The following SLC39A11 variants were observed in gnomAD, a reference collection of about 807,000 sequenced individuals.
SLC39A11 encodes zinc transporter ZIP11.
SLC39A11 carries 33 observed loss-of-function variants against 36.1 expected under a neutral mutation model. The observed-to-expected ratio is 0.91, with a 90% CI of 0.69 to 1.22. SLC39A11 has a LOEUF of 1.22. SLC39A11 is among the 50% of genes most tolerant of loss of function. The pLI is 0.00. For missense variants in SLC39A11, 432 were observed against 430.3 expected, an observed-to-expected ratio of 1.00 and a Z score of -0.03; for synonymous variants, 166 against 170.3, an observed-to-expected ratio of 0.97 and a Z score of 0.20.
intron 5 of SLC39A11, among the ~76,000 whole-genome samples, chr17:72,864,610 C>T (rs1217799480): frequency 6.6e-6 from 1 of 152,166 alleles, no homozygotes; most frequent in Non-Finnish European, 1.5e-5. Context: ...CACTATTTCT[C>T]CATTCTGCAA....
intron 4 of SLC39A11, among the ~76,000 whole-genome samples, chr17:72,952,346 T>C (rs1179878270): frequency 1.3e-5 from 2 of 152,166 alleles, no homozygotes; most frequent in Non-Finnish European, 2.9e-5. Flanking sequence ...AGAAACAGCA[T>C]GGAGGGAGAG....
chr17:72,820,536 G>A (rs1272678095), intron 6 of SLC39A11, among the ~76,000 whole-genome samples: 2 of 151,032 alleles, frequency 1.3e-5, no homozygotes, highest in East Asian at 1.9e-4. Context: ...CTATTACATG[G>A]CACATCCTAC....
rs541806225 is a variant in SLC39A11 at position 72,957,972 on chromosome 17, G to A, written c.307-10097C>T. Reference sequence around the variant, plus strand: ...TGCACCACTTCACTCCAGCCTGGGCGAAAGAGCAAAACTCCGTCTCAACAT... The same window carrying A: ...TGCACCACTTCACTCCAGCCTGGGCAAAAGAGCAAAACTCCGTCTCAACAT... On this transcript the variant is annotated intron_variant, in intron 4 of 9. Coordinates refer to ENST00000255559, the MANE Select transcript of SLC39A11 (RefSeq NM_139177.4). 6.6e-5 allele frequency among the ~76,000 whole-genome samples: 10 copies of A among 152,298 alleles called. No individual in the cohort carries two copies. The South Asian group carries it at 1.7e-3, about 25-fold the overall frequency.
intron 5 of SLC39A11, among the ~76,000 whole-genome samples, chr17:72,932,772 T>C (rs2084497433): frequency 6.6e-6 from 1 of 152,176 alleles, no homozygotes. Context: ...CTAAGCATTT[T>C]ACATGTATTC....
chr17:72,719,323 A>C (rs1426612313), intron 7 of SLC39A11, among the ~76,000 whole-genome samples: 3 of 152,160 alleles, frequency 2.0e-5, no homozygotes, highest in Non-Finnish European at 4.4e-5. Flanking sequence ...CCCCGTGGCC[A>C]CATGTCCATA....
chr17:72,800,303 ATTTTTTTTT>A (rs34172959), intron 6 of SLC39A11, among the ~76,000 whole-genome samples: 2 of 90,368 alleles, frequency 2.2e-5, no homozygotes, highest in Non-Finnish European at 4.6e-5. Flanking sequence ...ACCTACAATA[ATTTTTTTTT>A]TTTTTTTTTT....
intron 4 of SLC39A11, among the ~76,000 whole-genome samples, chr17:73,001,556 A>G (rs1032227728): frequency 8.0e-5 from 12 of 150,658 alleles, no homozygotes; most frequent in African/African-American, 2.7e-4. Flanking sequence ...TAAAACTTAA[A>G]GTATAATAAT....
chr17:73,079,119 A>G (rs8080542), intron 3 of SLC39A11, among the ~76,000 whole-genome samples: 48,325 of 151,722 alleles, frequency 0.32, 7,844 homozygotes, highest in South Asian at 0.41. Context: ...TTTTTGATGA[A>G]GTCTCACTCT....
intron 3 of SLC39A11, among the ~76,000 whole-genome samples, chr17:73,058,199 G>C (rs2059731691): frequency 6.6e-6 from 1 of 151,980 alleles, no homozygotes. Context: ...TGTTTGTCTT[G>C]GCAAATAATA....
At chr17:72,799,629 G>A (rs1005629951) in intron 6 of SLC39A11, among the ~76,000 whole-genome samples, 2 of 152,070 alleles carry the variant, frequency 1.3e-5, no homozygotes, top group African/African-American at 2.4e-5. Context: ...GTTGAGATAA[G>A]GACTGAGATA....
At chr17:73,069,059 G>A (rs2060082278) in intron 3 of SLC39A11, among the ~76,000 whole-genome samples, 1 of 152,082 alleles carries the variant, frequency 6.6e-6, no homozygotes, top group Non-Finnish European at 1.5e-5. Context: ...CAACAGCCCT[G>A]TATTTTCCAC....
intron 4 of SLC39A11, among the ~76,000 whole-genome samples, chr17:72,968,226 G>T (rs1274554735): frequency 6.6e-6 from 1 of 152,176 alleles, no homozygotes; most frequent in East Asian, 1.9e-4. Flanking sequence ...ATCAGTTCTA[G>T]AATTTAAAAG....
chr17:72,783,285 C>T (rs1460492134), intron 6 of SLC39A11, among the ~76,000 whole-genome samples: 1 of 152,150 alleles, frequency 6.6e-6, no homozygotes. Flanking sequence ...CTAGAGCCAC[C>T]CAGTGTATGG....
At chr17:72,852,842 C>A (rs760429093) in intron 5 of SLC39A11, among the ~76,000 whole-genome samples, 1 of 152,180 alleles carries the variant, frequency 6.6e-6, no homozygotes, top group Non-Finnish European at 1.5e-5. Context: ...TGAGAGCTGT[C>A]CATGAACTAA....
At chr17:72,904,787 G>A (rs1027872251) in intron 5 of SLC39A11, among the ~76,000 whole-genome samples, 3 of 152,306 alleles carry the variant, frequency 2.0e-5, no homozygotes, top group South Asian at 2.1e-4. Flanking sequence ...TGTGGTCCCC[G>A]AAGGTGGGCA....
intron 3 of SLC39A11, among the ~76,000 whole-genome samples, chr17:73,048,503 T>G (rs2059394085): frequency 6.6e-6 from 1 of 152,216 alleles, no homozygotes; most frequent in Non-Finnish European, 1.5e-5. Flanking sequence ...AACACATGAG[T>G]GCCTGTGTCT....
intron 6 of SLC39A11, among the ~76,000 whole-genome samples, chr17:72,791,078 C>T (rs1271423692): frequency 2.0e-5 from 3 of 152,206 alleles, no homozygotes; most frequent in Non-Finnish European, 4.4e-5. Flanking sequence ...TACTAATTCT[C>T]AGGTCCCATT....
At chr17:72,847,297 G>A (rs1219367145) in intron 6 of SLC39A11, among the ~76,000 whole-genome samples, 4 of 152,006 alleles carry the variant, frequency 2.6e-5, no homozygotes, top group Non-Finnish European at 4.4e-5. Context: ...CAGCTACTCG[G>A]GAGGCCGAGA....
intron 5 of SLC39A11, among the ~76,000 whole-genome samples, chr17:72,912,415 A>G (rs2083064116): frequency 6.6e-6 from 1 of 151,668 alleles, no homozygotes; most frequent in Non-Finnish European, 1.5e-5. Context: ...AACATTATTT[A>G]CATTCTTAGG....
Sources: gnomAD v4.1 joint callset for allele counts (sites outside exome capture counted in the v4.1 genomes callset) on GRCh38, gnomAD v4.1.1 for gene constraint, MANE v1.5 for transcripts, NCBI Gene and HGNC (gene_info 2026-07-23, HGNC 2026-07-21) for gene names.